The following CATSPERH variants were observed in gnomAD, a reference collection of about 807,000 sequenced individuals.
The protein encoded by CATSPERH is catsper channel auxiliary subunit eta, also known as cation channel sperm-associated auxiliary subunit eta.
At chr11:65,089,023 C>A in the CATSPERH span, 1 of 1,535,486 alleles carries the variant, frequency 6.5e-7, no homozygotes, top group South Asian at 1.2e-5. Flanking sequence ...TGCGGTCTTG[C>A]AGCCACATCT....
At chr11:65,089,090 A>G in the CATSPERH span, 56,920 of 1,373,036 alleles carry the variant, frequency 0.041, 1,523 homozygotes, top group African/African-American at 0.093. Context: ...GGCCCTGCCC[A>G]GGAAAAGCAG....
chr11:65,088,461 G>A, the CATSPERH span: 17 of 1,536,134 alleles, frequency 1.1e-5, no homozygotes, highest in Middle Eastern at 5.0e-4. Flanking sequence ...GGCCTCAGTG[G>A]TGCTCCTCCC....
chr11:65,088,910 C>G, the CATSPERH span: 1 of 1,535,644 alleles, frequency 6.5e-7, no homozygotes, highest in African/African-American at 1.4e-5. Flanking sequence ...GTAGGTGATG[C>G]AGAAGTTGTG....
At chr11:65,089,042 G>T in the CATSPERH span, 2 of 1,534,694 alleles carry the variant, frequency 1.3e-6, no homozygotes, top group Non-Finnish European at 1.7e-6. Context: ...CTTGCCCGCA[G>T]TGTAGATGCA....
At chr11:65,088,996 G>A in the CATSPERH span, 10 of 1,535,650 alleles carry the variant, frequency 6.5e-6, no homozygotes, top group Middle Eastern at 1.7e-4. Flanking sequence ...TGCCTTTTGG[G>A]AAGAAGAACG....
chr11:65,088,852 G>A, the CATSPERH span: 5 of 1,535,874 alleles, frequency 3.3e-6, no homozygotes, highest in Admixed American at 9.8e-5. Context: ...CCTGCCCTGA[G>A]CCTACCATCA....
At chr11:65,088,883 C>G in the CATSPERH span, 4 of 1,535,814 alleles carry the variant, frequency 2.6e-6, no homozygotes, top group Non-Finnish European at 2.6e-6. Flanking sequence ...GTAGTGAAAG[C>G]TCATGTGGTC....
At chr11:65,088,646 C>T in the CATSPERH span, 1 of 1,536,158 alleles carries the variant, frequency 6.5e-7, no homozygotes, top group Admixed American at 2.0e-5. Flanking sequence ...ACTCCTGCCA[C>T]TCACTCAGGA....
At chr11:65,088,749 A>T in the CATSPERH span, 1 of 1,536,052 alleles carries the variant, frequency 6.5e-7, no homozygotes, top group South Asian at 1.2e-5. Flanking sequence ...CACCTGGGAG[A>T]ACTGTAGGCC....
chr11:65,088,846 C>T, the CATSPERH span: 25 of 1,535,824 alleles, frequency 1.6e-5, no homozygotes, highest in South Asian at 3.0e-4. Context: ...TGCGTCCCTG[C>T]CCTGAGCCTA....
At chr11:65,088,839 GTC>G in the CATSPERH span, 1 of 1,535,544 alleles carries the variant, frequency 6.5e-7, no homozygotes, top group African/African-American at 1.4e-5. Context: ...CAGCCCTTGC[GTC>G]CCTGCCCTGA....
chr11:65,089,048 A>T, the CATSPERH span: 1 of 1,533,768 alleles, frequency 6.5e-7, no homozygotes, highest in Non-Finnish European at 8.7e-7. Context: ...CGCAGTGTAG[A>T]TGCAAGTCAG....
the CATSPERH span, chr11:65,088,678 C>T: frequency 1.8e-5 from 27 of 1,536,180 alleles, no homozygotes; most frequent in East Asian, 2.4e-5. Flanking sequence ...GAGAAGCAGA[C>T]GTACTTGTTT....
chr11:65,088,377 A>G, the CATSPERH span: 3 of 1,433,986 alleles, frequency 2.1e-6, no homozygotes, highest in Non-Finnish European at 2.8e-6. Flanking sequence ...GCAGGTGGAA[A>G]TAAACAACAA....
the CATSPERH span, chr11:65,088,673 G>A: frequency 1.3e-6 from 2 of 1,536,206 alleles, no homozygotes; most frequent in African/African-American, 2.7e-5. Context: ...GGGCGGAGAA[G>A]CAGACGTACT....
At chr11:65,088,907 A>T in the CATSPERH span, 1 of 1,535,784 alleles carries the variant, frequency 6.5e-7, no homozygotes, top group South Asian at 1.2e-5. Flanking sequence ...GTGGTAGGTG[A>T]TGCAGAAGTT....
the CATSPERH span, chr11:65,088,898 T>C: frequency 1.0e-5 from 16 of 1,535,724 alleles, no homozygotes; most frequent in Non-Finnish European, 1.0e-5. Context: ...GTGGTCATAG[T>C]GGTAGGTGAT....
the CATSPERH span, chr11:65,089,010 C>T: frequency 5.3e-5 from 82 of 1,535,688 alleles, no homozygotes; most frequent in Non-Finnish European, 6.5e-5. Flanking sequence ...AAGAACGTGG[C>T]GATGCGGTCT....
the CATSPERH span, chr11:65,089,006 G>A: frequency 5.9e-6 from 9 of 1,535,650 alleles, no homozygotes; most frequent in African/African-American, 5.5e-5. Flanking sequence ...GAAGAAGAAC[G>A]TGGCGATGCG....
Sources: allele counts gnomAD v4.1 joint callset, GRCh38; gene constraint gnomAD v4.1.1; transcripts MANE v1.5; gene names NCBI Gene and HGNC (gene_info 2026-07-23, HGNC 2026-07-21).